Variants in TMEM164 observed in about 807,000 individuals in gnomAD.
TMEM164 encodes RP13-360B22.2.
Under a neutral mutation model 18.8 loss-of-function variants are expected in TMEM164, and 4 were observed. The ratio of observed to expected loss-of-function variants is 0.21; its 90% CI spans 0.10 to 0.49. TMEM164 has a LOEUF of 0.49. Among genes scored for constraint, TMEM164 ranks in the 20% least tolerant of loss-of-function variants. The pLI, the probability that TMEM164 is intolerant of heterozygous loss-of-function variation, is 0.98. For synonymous variants in TMEM164, 86 were observed against 101.7 expected, an observed-to-expected ratio of 0.85 and a Z score of 0.93; for missense variants, 108 against 239.9, an observed-to-expected ratio of 0.45 and a Z score of 3.63.
intron 2 of TMEM164, among the ~76,000 whole-genome samples, chrX:110,016,412 C>T (rs1329987072): frequency 3.6e-5 from 4 of 111,664 alleles, no homozygotes; most frequent in African/African-American, 1.3e-4. Flanking sequence ...TAGGACCTCC[C>T]TTAGGCCTTT....
At chrX:110,045,215 T>C (rs915749690) in intron 2 of TMEM164, among the ~76,000 whole-genome samples, 4 of 111,741 alleles carry the variant, frequency 3.6e-5, no homozygotes, top group Non-Finnish European at 7.5e-5. Flanking sequence ...TTGTCTGCCT[T>C]ACACTCTCTT....
At chrX:110,075,045 G>A (rs951911037) in intron 3 of TMEM164, among the ~76,000 whole-genome samples, 2 of 111,668 alleles carry the variant, frequency 1.8e-5, no homozygotes, top group Admixed American at 9.5e-5. Context: ...AGATTGCTTC[G>A]GGTAGTATGG....
rs893608233 is a variant in TMEM164 at position 110,173,724 on chromosome X, T to G, written c.*273T>G. ...TCCTAGTGGCCTTACATGGGGAGATTGCAGTGAGCGGCTCTTTCACTCTGC... is the reference window on the plus strand; with the variant it reads ...TCCTAGTGGCCTTACATGGGGAGATGGCAGTGAGCGGCTCTTTCACTCTGC... On this transcript the variant is annotated 3_prime_UTR_variant, in exon 7 of 7. Transcript: ENST00000372068. 1 of 348,690 alleles carries G rather than the reference T, an allele frequency of 2.9e-6. No individual in the cohort carries two copies. The highest frequency in any genetic ancestry group is 2.7e-5 in the African/African-American group (1 of 37,525). 28.7% of individuals were successfully genotyped at this position (348,690 alleles called of 1,213,427 possible). A position where few individuals can be genotyped will look rare whatever the true frequency, so the allele number is the denominator to read the frequency against.
chrX:110,031,775 C>T (rs1934521643), intron 2 of TMEM164, among the ~76,000 whole-genome samples: 1 of 110,207 alleles, frequency 9.1e-6, no homozygotes, highest in Non-Finnish European at 1.9e-5. Flanking sequence ...CCCTCCTTTC[C>T]CCCTACCTTT....
intron 3 of TMEM164, among the ~76,000 whole-genome samples, chrX:110,104,708 T>C (rs60969416): frequency 1.8e-5 from 2 of 112,167 alleles, no homozygotes; most frequent in East Asian, 5.6e-4. Context: ...ATATTTTCTC[T>C]TCTCTGTAAG....
At chrX:110,078,832 T>A (rs776249697) in intron 3 of TMEM164, among the ~76,000 whole-genome samples, 14 of 111,874 alleles carry the variant, frequency 1.3e-4, no homozygotes, top group Non-Finnish European at 1.9e-4. Flanking sequence ...AAAATAAAAT[T>A]AAATTAAACT....
At chrX:110,128,191 C>T (rs2066561751) in intron 4 of TMEM164, among the ~76,000 whole-genome samples, 1 of 111,850 alleles carries the variant, frequency 8.9e-6, no homozygotes, top group South Asian at 3.7e-4. Flanking sequence ...AGGGTCGTTC[C>T]CCCAGCCCCC....
chrX:110,076,280 T>G (rs2065670893), intron 3 of TMEM164, among the ~76,000 whole-genome samples: 1 of 111,007 alleles, frequency 9.0e-6, no homozygotes, highest in African/African-American at 3.3e-5. Flanking sequence ...TTCATAGTAG[T>G]CTCTGAGGTT....
intron 2 of TMEM164, among the ~76,000 whole-genome samples, chrX:110,020,968 TA>T (rs147367236): frequency 0.085 from 3,711 of 43,569 alleles, 232 homozygotes; most frequent in African/African-American, 0.25. Flanking sequence ...CCCCTTTTTC[TA>T]AAAAAAAAAA....
At chrX:110,116,027 A>T (rs2066358326) in intron 4 of TMEM164, among the ~76,000 whole-genome samples, 1 of 111,786 alleles carries the variant, frequency 8.9e-6, no homozygotes, top group Non-Finnish European at 1.9e-5. Flanking sequence ...CAGGAGGTCG[A>T]GGCGGTGGTG....
At chrX:110,037,007 T>G (rs1452476214) in intron 2 of TMEM164, among the ~76,000 whole-genome samples, 2 of 111,485 alleles carry the variant, frequency 1.8e-5, no homozygotes, top group African/African-American at 6.5e-5. Context: ...TTATGGTCTC[T>G]TTTTTATGGC....
intron 2 of TMEM164, among the ~76,000 whole-genome samples, chrX:110,022,086 A>G (rs912099802): frequency 8.9e-6 from 1 of 111,978 alleles, no homozygotes; most frequent in African/African-American, 3.3e-5. Context: ...GGGCCTGGAC[A>G]TAGGCATTTA....
chrX:110,106,183 G>T (rs1356835002), intron 3 of TMEM164, among the ~76,000 whole-genome samples: 3 of 111,436 alleles, frequency 2.7e-5, no homozygotes, highest in Non-Finnish European at 5.6e-5. Flanking sequence ...AGCAATGCTT[G>T]TCTTTATCTA....
chrX:110,141,740 A>G (rs1439623599), intron 4 of TMEM164, among the ~76,000 whole-genome samples: 2 of 112,490 alleles, frequency 1.8e-5, no homozygotes, highest in African/African-American at 6.5e-5. Flanking sequence ...GGTACATAAT[A>G]TAAGTACTTA....
In TMEM164 at chrX:110,139,351, T is replaced by C. The variant is rs1313987140; in HGVS notation, c.508-5447T>C. On this transcript the variant is annotated intron_variant, in intron 4 of 6. Coordinates refer to ENST00000372068, the MANE Select transcript of TMEM164 (RefSeq NM_032227.4). ...TGCAGGGAGGAGGGAGGTATGGAGG[T>C]GGGAGCTTATGCATGTTATCTTCTA... 4.5e-5 allele frequency among the ~76,000 whole-genome samples: 5 copies of C among 109,923 alleles called. No individual in the cohort carries two copies. In the East Asian group the frequency reaches 1.4e-3, roughly 31 times the overall value.
At chrX:110,105,748 A>AGAGAGAGAGAG (rs1491314646) in intron 3 of TMEM164, among the ~76,000 whole-genome samples, 1 of 37,599 alleles carries the variant, frequency 2.7e-5, no homozygotes, top group East Asian at 7.7e-4. Flanking sequence ...AGAGAGAGAG[A>AGAGAGAGAGAG]ATGAGAGAGA....
chrX:110,076,508 T>C (rs1325499422), intron 3 of TMEM164, among the ~76,000 whole-genome samples: 6 of 111,474 alleles, frequency 5.4e-5, no homozygotes, highest in Non-Finnish European at 1.1e-4. Flanking sequence ...ATATCTTTTC[T>C]TCTTGCTTTG....
intron 2 of TMEM164, among the ~76,000 whole-genome samples, chrX:110,017,460 C>T (rs5985437): frequency 0.021 from 351 of 16,495 alleles, 1 homozygote; most frequent in South Asian, 0.037. Flanking sequence ...CTCTCTCTCT[C>T]TCTTTCTTTC....
At chrX:110,170,770 T>TA (rs2067219780) in intron 5 of TMEM164, among the ~76,000 whole-genome samples, 1 of 112,347 alleles carries the variant, frequency 8.9e-6, no homozygotes, top group Non-Finnish European at 1.9e-5. Flanking sequence ...ACTGAGCACT[T>TA]ACATTGTACC....
Sources: allele counts gnomAD v4.1 joint callset (sites outside exome capture counted in the v4.1 genomes callset), GRCh38; gene constraint gnomAD v4.1.1; transcripts MANE v1.5; gene names NCBI Gene and HGNC (gene_info 2026-07-23, HGNC 2026-07-21).